Variants in KIFAP3 observed in about 807,000 individuals in gnomAD.
KIFAP3 encodes kinesin-associated protein 3.
KIFAP3 carries 68 observed loss-of-function variants against 106.5 expected under a neutral mutation model. That is an observed-to-expected ratio of 0.64 (90% confidence interval 0.53 to 0.78). KIFAP3 has a LOEUF of 0.78. Among genes scored for constraint, KIFAP3 ranks in the 30% least tolerant of loss-of-function variants. The pLI is 0.00. For missense variants in KIFAP3, 780 were observed against 941.8 expected (o/e 0.83, Z 2.25); for synonymous variants, 320 against 311.5 (o/e 1.03, Z -0.29).
intron 17 of KIFAP3, among the ~76,000 whole-genome samples, chr1:169,972,270 T>C (rs961549738): frequency 2.0e-5 from 3 of 151,952 alleles, no homozygotes; most frequent in East Asian, 3.9e-4. Flanking sequence ...GACTCTGTGA[T>C]GACATGTAGA....
intron 19 of KIFAP3, among the ~76,000 whole-genome samples, chr1:169,924,854 G>A (rs1333063531): frequency 3.3e-5 from 5 of 152,114 alleles, no homozygotes; most frequent in Non-Finnish European, 7.4e-5. Flanking sequence ...AATATAAAAA[G>A]GCAACGTTGC....
At chr1:169,954,170 A>T in intron 18 of KIFAP3, 60 bp from the exon 19 acceptor site, 1 of 922,366 alleles carries the variant, frequency 1.1e-6, no homozygotes. Flanking sequence ...CCTGTCTATC[A>T]AGCAATACAA....
chr1:170,055,148 A>T (rs1158925587), intron 2 of KIFAP3, among the ~76,000 whole-genome samples, 157 bp downstream of exon 2: 1 of 152,198 alleles, frequency 6.6e-6, no homozygotes, highest in Non-Finnish European at 1.5e-5. Context: ...AATATACTCC[A>T]TACTTACAGT....
chr1:169,972,433 T>G, intron 17 of KIFAP3, 80 bp downstream of exon 17: 1 of 712,600 alleles, frequency 1.4e-6, no homozygotes, highest in Non-Finnish European at 2.5e-6. Flanking sequence ...ACTGAATGCA[T>G]TGTTTAAAAT....
chr1:169,944,456 C>G (rs565397), intron 19 of KIFAP3, among the ~76,000 whole-genome samples: 142,382 of 152,254 alleles, frequency 0.94, 66,666 homozygotes, highest in East Asian at 0.99. Flanking sequence ...GGAGCAACTA[C>G]GTCTGGGCTC....
At chr1:170,036,353 A>C (rs1345485118) in intron 5 of KIFAP3, among the ~76,000 whole-genome samples, 1 of 152,126 alleles carries the variant, frequency 6.6e-6, no homozygotes, top group Non-Finnish European at 1.5e-5. Flanking sequence ...TATTATGGTA[A>C]TGAAAATGTC....
chr1:170,019,511 G>T (rs997608916), intron 9 of KIFAP3, among the ~76,000 whole-genome samples: 8 of 152,104 alleles, frequency 5.3e-5, no homozygotes, highest in Admixed American at 1.3e-4. Context: ...TACAAGACTG[G>T]TAAACATTCA....
chr1:170,073,124 A>G (rs1353568830), intron 1 of KIFAP3, among the ~76,000 whole-genome samples: 1 of 152,220 alleles, frequency 6.6e-6, no homozygotes, highest in Admixed American at 6.5e-5. Flanking sequence ...GTTCCAGAAC[A>G]ATTTTGAATT....
chr1:169,975,153 A>G (rs1666160006), intron 16 of KIFAP3, among the ~76,000 whole-genome samples: 1 of 152,146 alleles, frequency 6.6e-6, no homozygotes, highest in Non-Finnish European at 1.5e-5. Flanking sequence ...TTAAATCAGC[A>G]GATGAGGAAC....
At chr1:169,972,172 A>G (rs1481444039) in intron 17 of KIFAP3, among the ~76,000 whole-genome samples, 3 of 152,066 alleles carry the variant, frequency 2.0e-5, no homozygotes, top group Non-Finnish European at 4.4e-5. Context: ...AAAAAATTTA[A>G]TGGCCAAACC....
chr1:169,978,002 T>C, intron 16 of KIFAP3, 83 bp downstream of exon 16: 1 of 741,410 alleles, frequency 1.3e-6, no homozygotes, highest in Non-Finnish European at 2.1e-6. Context: ...ATTTCAACAT[T>C]TGCAAAAAAA....
intron 7 of KIFAP3, among the ~76,000 whole-genome samples, chr1:170,032,673 C>T (rs1304367034): frequency 6.6e-6 from 1 of 151,508 alleles, no homozygotes; most frequent in Non-Finnish European, 1.5e-5. Flanking sequence ...TATCAAAATA[C>T]AAAGAAATTT....
intron 17 of KIFAP3, 114 bp from the exon 18 acceptor site, chr1:169,961,349 CA>C: frequency 5.9e-6 from 4 of 680,696 alleles, no homozygotes; most frequent in Non-Finnish European, 1.0e-5. Flanking sequence ...TCAGAGGAAG[CA>C]CTACAAATAC....
At chr1:170,069,871 G>T (rs1671620191) in intron 1 of KIFAP3, among the ~76,000 whole-genome samples, 1 of 151,734 alleles carries the variant, frequency 6.6e-6, no homozygotes, top group African/African-American at 2.4e-5. Context: ...TGAAAAAGAA[G>T]AAGTAAAATT....
chr1:169,950,286 C>T (rs1167463161), intron 19 of KIFAP3, among the ~76,000 whole-genome samples: 1 of 152,096 alleles, frequency 6.6e-6, no homozygotes, highest in Non-Finnish European at 1.5e-5. Context: ...GAAGAGTATG[C>T]CACTTGGCAC....
Position 170,039,266 on chromosome 1 carries a change from C to T in KIFAP3, c.342G>A (p.Lys114=), listed in dbSNP as rs768916019. 31 of 1,600,064 alleles carry T rather than the reference C, an allele frequency of 1.9e-5. No individual in the cohort carries two copies. Among genetic ancestry groups the T allele is most frequent in the Middle Eastern group, 1.7e-4 (1 of 5,976 alleles). ...SGKEKKEKSS[K]PKDPPPFEGM... is the part of the protein sequence containing the mutation. ...CTTCAAAAGGAGGTGGATCTTTAGG[C>T]TTGCTTGATTTTTCTTTTTTCTCTG... The change falls in exon 4 of 20, where the codon AAG becomes AAA. Residue 114 remains lysine (K), a synonymous_variant. Transcript: ENST00000361580.
intron 10 of KIFAP3, among the ~76,000 whole-genome samples, chr1:169,994,201 G>C (rs1667262300): frequency 6.6e-6 from 1 of 152,162 alleles, no homozygotes; most frequent in Non-Finnish European, 1.5e-5. Context: ...CTACAGTTTA[G>C]AGAAAAATAA....
At chr1:169,935,030 T>C (rs939177757) in intron 19 of KIFAP3, among the ~76,000 whole-genome samples, 5 of 152,132 alleles carry the variant, frequency 3.3e-5, no homozygotes, top group Non-Finnish European at 5.9e-5. Flanking sequence ...TTAAAAAATA[T>C]TTGAATGCTT....
chr1:170,046,875 A>G lies in KIFAP3; in HGVS notation c.165-9T>C. The stretch of plus-strand genomic sequence containing the variant: ...GACTCTTAAGTCGAATGCTGTAAGT[A>G]TAACAGAATTTTTCAACTCACGTAT... On this transcript the variant is annotated splice_polypyrimidine_tract_variant and intron_variant, in intron 2 of 19. Transcript: ENST00000361580. The G allele has an allele frequency of 1.3e-6, 2 of 1,567,642 alleles. No homozygotes were observed. The highest frequency in any genetic ancestry group is 1.2e-5 in the South Asian group (1 of 82,224).
Sources: allele counts gnomAD v4.1 joint callset (sites outside exome capture counted in the v4.1 genomes callset), GRCh38; gene constraint gnomAD v4.1.1; transcripts MANE v1.5; gene names NCBI Gene and HGNC (gene_info 2026-07-23, HGNC 2026-07-21).